Variants in GRAMD2B observed in about 807,000 individuals in gnomAD.
The protein encoded by GRAMD2B is GRAM domain-containing protein 2B.
GRAMD2B carries 41 observed loss-of-function variants against 59.2 expected under a neutral mutation model. That is an observed-to-expected ratio of 0.69 (90% CI 0.54 to 0.90). The LOEUF (loss-of-function observed/expected upper bound fraction) is 0.90. Ranked by LOEUF, GRAMD2B falls within the 40% of genes least tolerant of loss-of-function variation. GRAMD2B has a pLI of 0.00. For missense variants in GRAMD2B, 424 were observed against 500.5 expected (o/e 0.85, Z 1.46); for synonymous variants, 161 against 182.7 (o/e 0.88, Z 0.96).
At chr5:126,385,601 G>A (rs1001124135) in intron 1 of GRAMD2B, among the ~76,000 whole-genome samples, 21 of 152,032 alleles carry the variant, frequency 1.4e-4, no homozygotes, top group African/African-American at 3.6e-4. Context: ...TCTCTGTGCC[G>A]GAAATAACAT....
intron 3 of GRAMD2B, among the ~76,000 whole-genome samples, chr5:126,470,988 T>C (rs2126824978): frequency 6.6e-6 from 1 of 152,356 alleles, no homozygotes; most frequent in African/African-American, 2.4e-5. Flanking sequence ...CTGTAGCCAT[T>C]GAAAACAAAA....
chr5:126,389,614 C>T (rs746542606), intron 1 of GRAMD2B, among the ~76,000 whole-genome samples: 10 of 152,076 alleles, frequency 6.6e-5, no homozygotes, highest in Admixed American at 2.0e-4. Flanking sequence ...TGTTTCACAG[C>T]GTAAGATTAT....
At chr5:126,484,321 G>A in intron 9 of GRAMD2B, 81 bp from the exon 10 acceptor site, 1 of 1,476,492 alleles carries the variant, frequency 6.8e-7, no homozygotes, top group Non-Finnish European at 9.2e-7. Flanking sequence ...TGCATGTTAA[G>A]GGATTGATTT....
chr5:126,448,205 T>C (rs2126657398), intron 1 of GRAMD2B, among the ~76,000 whole-genome samples: 1 of 152,164 alleles, frequency 6.6e-6, no homozygotes, highest in East Asian at 1.9e-4. Context: ...ACAGTTGCCA[T>C]GACAGTCACA....
intron 1 of GRAMD2B, among the ~76,000 whole-genome samples, chr5:126,442,587 T>C (rs1222495728): frequency 6.6e-6 from 1 of 152,100 alleles, no homozygotes; most frequent in Non-Finnish European, 1.5e-5. Flanking sequence ...CGACCGCGCC[T>C]GGCCTAAAAT....
At chr5:126,488,260 G>T (rs74861734) in intron 12 of GRAMD2B, among the ~76,000 whole-genome samples, 2,713 of 152,262 alleles carry the variant, frequency 0.018, 79 homozygotes, top group African/African-American at 0.062. Context: ...GATAAGAAGT[G>T]ACTCCAGGCC....
At chr5:126,429,580 G>A (rs922113137) in intron 1 of GRAMD2B, among the ~76,000 whole-genome samples, 3 of 152,130 alleles carry the variant, frequency 2.0e-5, no homozygotes, top group African/African-American at 7.2e-5. Context: ...TTCACCTAGT[G>A]CCTACATATT....
At chr5:126,389,270 C>T (rs1756484687) in intron 1 of GRAMD2B, among the ~76,000 whole-genome samples, 1 of 152,188 alleles carries the variant, frequency 6.6e-6, no homozygotes, top group Admixed American at 6.5e-5. Flanking sequence ...CTACCTACCA[C>T]ATATAAGCAC....
At chr5:126,487,109 ATGTGG>A in intron 12 of GRAMD2B, 132 bp downstream of exon 12, 1 of 609,442 alleles carries the variant, frequency 1.6e-6, no homozygotes, top group African/African-American at 1.8e-5. Context: ...TTAAGTGTAT[ATGTGG>A]AAAGTAAAAA....
At chr5:126,376,979 T>C (rs1485240423) in intron 1 of GRAMD2B, among the ~76,000 whole-genome samples, 13 of 151,730 alleles carry the variant, frequency 8.6e-5, no homozygotes, top group Non-Finnish European at 1.9e-4. Flanking sequence ...GACTAGGCTC[T>C]CTTAGGAGAG....
intron 4 of GRAMD2B, among the ~76,000 whole-genome samples, chr5:126,473,027 A>C (rs764888208): frequency 2.6e-5 from 4 of 152,226 alleles, no homozygotes; most frequent in Non-Finnish European, 5.9e-5. Context: ...TCTCTCAGGT[A>C]CAATGGTAGA....
intron 1 of GRAMD2B, among the ~76,000 whole-genome samples, chr5:126,458,612 G>A (rs909761666): frequency 1.3e-5 from 2 of 152,036 alleles, no homozygotes; most frequent in Non-Finnish European, 2.9e-5. Flanking sequence ...TAGCTACCAC[G>A]GTTGTATATA....
In GRAMD2B at chr5:126,480,636, G is replaced by T. The variant is rs780517059; in HGVS notation, c.664G>T (p.Val222Phe). Residue 222 changes from valine to phenylalanine, a missense_variant, in exon 8 of 14, where the codon GTT becomes TTT. Transcript: ENST00000285689. ...SVCGHLENTS[V>F]GNSPNPSSAE... The stretch of plus-strand genomic sequence containing the variant: ...GTTCCAATAATTTCAGAATACAAGT[G>T]TTGGTAACAGTCCCAATCCATCTTC... 6.2e-7 allele frequency: 1 copy of T among 1,613,998 alleles called. No homozygotes were observed. The highest frequency in any genetic ancestry group is 8.5e-7 in the Non-Finnish European group (1 of 1,179,870).
upstream of GRAMD2B, chr5:126,423,259 C>G: frequency 8.9e-7 from 1 of 1,120,344 alleles, no homozygotes; most frequent in Non-Finnish European, 1.1e-6. Flanking sequence ...AATGTTCCAC[C>G]TGCTTGGCCA....
chr5:126,423,662 A>C lies in GRAMD2B; in HGVS notation c.56A>C (p.Lys19Thr). 6.2e-7 allele frequency: 1 copy of C among 1,609,356 alleles called. No individual in the cohort carries two copies. ...ACAAAGCCTGCGAAAGTGCTCGGGA[A>C]GAGGGAGAGCAAACTTGGCTCAGCC... The part of the protein sequence containing the change: ...EDTKPAKVLG[K>T]RESKLGSAHS... Residue 19 changes from lysine (K) to threonine (T), a missense_variant, in exon 1 of 14, where the codon AAG (lysine) becomes ACG (threonine). By Grantham distance (78) the Lys-to-Thr change is moderately conservative. Coordinates refer to ENST00000285689, the MANE Select transcript of GRAMD2B (RefSeq NM_023927.4).
intron 13 of GRAMD2B, among the ~76,000 whole-genome samples, chr5:126,489,374 A>T (rs1773530240): frequency 6.6e-6 from 1 of 152,226 alleles, no homozygotes; most frequent in Admixed American, 6.5e-5. Context: ...AAGAATCAAG[A>T]GTTTCAAATT....
intron 3 of GRAMD2B, among the ~76,000 whole-genome samples, chr5:126,470,897 T>A (rs1039484681): frequency 2.6e-5 from 4 of 152,158 alleles, no homozygotes; most frequent in African/African-American, 9.7e-5. Flanking sequence ...CCCCACTACC[T>A]TTTTTGCCAT....
chr5:126,446,252 T>C (rs1442362616), intron 1 of GRAMD2B, among the ~76,000 whole-genome samples: 4 of 152,178 alleles, frequency 2.6e-5, no homozygotes, highest in African/African-American at 9.7e-5. Flanking sequence ...GAAAAGATAG[T>C]GTGGTCTGGG....
In GRAMD2B at chr5:126,467,966, C is replaced by G. The variant is rs7730912; in HGVS notation, c.204-1711C>G. ...CAGTCCTTTCTGTTTCTCTGTGACA[C>G]CCATGTACCACCTGAATTACTTCAG... On this transcript the variant is annotated intron_variant, in intron 2 of 13. Coordinates refer to ENST00000285689, the MANE Select transcript of GRAMD2B (RefSeq NM_023927.4). 9.1e-3 allele frequency among the ~76,000 whole-genome samples: 1,380 copies of G among 152,276 alleles called. 23 individuals are homozygous for G. Among genetic ancestry groups the G allele is most frequent in the African/African-American group, 0.031 (1,306 of 41,560 alleles).
Sources: gnomAD v4.1 joint callset for allele counts (sites outside exome capture counted in the v4.1 genomes callset) on GRCh38, gnomAD v4.1.1 for gene constraint, MANE v1.5 for transcripts, NCBI Gene and HGNC (gene_info 2026-07-23, HGNC 2026-07-21) for gene names.